Variants in CADM2 observed in about 807,000 individuals in gnomAD.
The protein encoded by CADM2 is immunoglobulin superfamily member 4D.
CADM2 carries 12 observed loss-of-function variants against 49.8 expected under a neutral mutation model. That is an observed-to-expected ratio of 0.24 (90% CI 0.15 to 0.39). The LOEUF is 0.39. Among genes scored for constraint, CADM2 ranks in the 10% least tolerant of loss-of-function variants. The pLI, the probability that CADM2 is intolerant of heterozygous loss-of-function variation, is 1.00. For synonymous variants in CADM2, 214 were observed against 175.4 expected (o/e 1.22, Z -1.74); for missense variants, 378 against 492.3 (o/e 0.77, Z 2.20).
chr3:85,299,593 C>T (rs1042248310), intron 1 of CADM2, among the ~76,000 whole-genome samples: 1 of 151,882 alleles, frequency 6.6e-6, no homozygotes, highest in Non-Finnish European at 1.5e-5. Context: ...TATGTGAATC[C>T]CCCTTGTGCT....
intron 1 of CADM2, among the ~76,000 whole-genome samples, chr3:85,527,416 C>G (rs1030372702): frequency 6.8e-6 from 1 of 147,198 alleles, no homozygotes; most frequent in African/African-American, 2.4e-5. Flanking sequence ...AGAAAAAATT[C>G]TGTGGAGTCT....
chr3:85,595,216 G>C (rs10865611), intron 1 of CADM2, among the ~76,000 whole-genome samples: 90,216 of 151,782 alleles, frequency 0.59, 28,299 homozygotes, highest in East Asian at 0.93. Flanking sequence ...GATGAAATCA[G>C]AGGGTTTCAT....
At chr3:85,393,283 G>A (rs1489969231) in intron 1 of CADM2, among the ~76,000 whole-genome samples, 1 of 152,070 alleles carries the variant, frequency 6.6e-6, no homozygotes, top group Non-Finnish European at 1.5e-5. Context: ...ACATAATGAT[G>A]TCCAAAGGGA....
At chr3:85,510,805 A>G (rs960464554) in intron 1 of CADM2, among the ~76,000 whole-genome samples, 4 of 151,984 alleles carry the variant, frequency 2.6e-5, no homozygotes, top group Admixed American at 6.6e-5. Context: ...TTTCTACTTC[A>G]TATGTAATAC....
intron 2 of CADM2, among the ~76,000 whole-genome samples, chr3:85,780,241 C>G (rs2070570156): frequency 6.6e-6 from 1 of 152,146 alleles, no homozygotes; most frequent in African/African-American, 2.4e-5. Flanking sequence ...GCTGTGCGTA[C>G]TGGACAGGCA....
At chr3:84,973,264 T>C (rs189136565) in intron 1 of CADM2, among the ~76,000 whole-genome samples, 2 of 152,286 alleles carry the variant, frequency 1.3e-5, no homozygotes, top group East Asian at 3.9e-4. Flanking sequence ...TAGTAATATC[T>C]TTCAACAGCA....
At chr3:85,892,950 A>T (rs1714667698) in intron 5 of CADM2, among the ~76,000 whole-genome samples, 1 of 152,170 alleles carries the variant, frequency 6.6e-6, no homozygotes, top group South Asian at 2.1e-4. Flanking sequence ...AATGGCTTTG[A>T]TCAAAATGCT....
intron 1 of CADM2, among the ~76,000 whole-genome samples, chr3:85,108,780 A>G (rs2038344486): frequency 6.6e-6 from 1 of 152,180 alleles, no homozygotes; most frequent in South Asian, 2.1e-4. Flanking sequence ...AATTATTTGA[A>G]TTAGAAAAAA....
intron 3 of CADM2, among the ~76,000 whole-genome samples, chr3:85,821,695 A>G (rs954373255): frequency 2.6e-5 from 4 of 152,110 alleles, no homozygotes; most frequent in African/African-American, 9.7e-5. Flanking sequence ...GATCATGACA[A>G]ACTAACCTTA....
intron 1 of CADM2, among the ~76,000 whole-genome samples, chr3:85,595,045 G>A (rs1430268100): frequency 2.6e-5 from 4 of 152,130 alleles, no homozygotes; most frequent in African/African-American, 9.6e-5. Flanking sequence ...CTGCTTTCAA[G>A]TTACATTTAA....
chr3:86,065,590 T>C lies in CADM2; in HGVS notation c.971-15T>C, dbSNP rs765200318. ...TAACACATTAAATAGAACAATATTT[T>C]CCTGTCTTTTCCAGATCCTAATGCT... On this transcript the variant is annotated splice_polypyrimidine_tract_variant and intron_variant, in intron 8 of 9. Transcript: ENST00000383699. 6.2e-7 allele frequency: 1 copy of C among 1,606,326 alleles called. No homozygotes were observed. Among genetic ancestry groups the C allele is most frequent in the Non-Finnish European group, 8.5e-7 (1 of 1,177,534 alleles).
Position 84,983,370 on chromosome 3 carries a change from T to A in CADM2, c.61+23702T>A, listed in dbSNP as rs903662438. 2.4e-3 allele frequency among the ~76,000 whole-genome samples: 369 copies of A among 152,070 alleles called. 5 individuals are homozygous for A. The highest frequency in any genetic ancestry group is 3.1e-4 in the Non-Finnish European group (21 of 67,996). On this transcript the variant is annotated intron_variant, in intron 1 of 9. Transcript: ENST00000383699. ...TTTCTTGTCTATATCTGTTTTTTTT[T>A]TTCATTGAAAATACAGATTTTATTA...
chr3:85,449,545 C>T (rs956559794), intron 1 of CADM2, among the ~76,000 whole-genome samples: 8 of 145,674 alleles, frequency 5.5e-5, no homozygotes, highest in Admixed American at 4.2e-4. Flanking sequence ...GTAGTATTTT[C>T]CTTGAAATAT....
At chr3:85,541,554 T>G (rs1425960283) in intron 1 of CADM2, among the ~76,000 whole-genome samples, 1 of 150,504 alleles carries the variant, frequency 6.6e-6, no homozygotes, top group Non-Finnish European at 1.5e-5. Context: ...AATGCCACAC[T>G]TCAGAGAAAG....
intron 1 of CADM2, among the ~76,000 whole-genome samples, chr3:85,580,124 A>C (rs1257383170): frequency 6.6e-6 from 1 of 152,160 alleles, no homozygotes; most frequent in Non-Finnish European, 1.5e-5. Flanking sequence ...AATTAAGATC[A>C]TTCAAATCAT....
intron 1 of CADM2, among the ~76,000 whole-genome samples, chr3:85,346,298 GAA>G (rs1443615648): frequency 2.0e-5 from 3 of 152,128 alleles, no homozygotes; most frequent in Non-Finnish European, 4.4e-5. Context: ...ACTTCTTATA[GAA>G]AATGAAGTAG....
chr3:85,004,401 TAGA>T (rs1270190186), intron 1 of CADM2, among the ~76,000 whole-genome samples: 2 of 152,264 alleles, frequency 1.3e-5, no homozygotes, highest in East Asian at 3.9e-4. Flanking sequence ...TTTAAGCACT[TAGA>T]AGATGTAAAT....
intron 1 of CADM2, among the ~76,000 whole-genome samples, chr3:85,385,492 A>G (rs1413518415): frequency 2.6e-5 from 4 of 152,112 alleles, no homozygotes; most frequent in Non-Finnish European, 5.9e-5. Flanking sequence ...ATGTTTTGGT[A>G]AATAACTTAT....
intron 8 of CADM2, among the ~76,000 whole-genome samples, chr3:86,058,170 C>A (rs1578084388): frequency 6.6e-6 from 1 of 152,130 alleles, no homozygotes; most frequent in Non-Finnish European, 1.5e-5. Flanking sequence ...TCATGTTATG[C>A]AAATCTTTCT....
Sources: gnomAD v4.1 joint callset for allele counts (sites outside exome capture counted in the v4.1 genomes callset) on GRCh38, gnomAD v4.1.1 for gene constraint, MANE v1.5 for transcripts, NCBI Gene and HGNC (gene_info 2026-07-23, HGNC 2026-07-21) for gene names.